Variants in TMEM150A observed in about 807,000 individuals in gnomAD.
The protein encoded by TMEM150A is transmembrane protein 150A.
TMEM150A carries 18 observed loss-of-function variants against 29.8 expected under a neutral mutation model. The observed-to-expected ratio is 0.60, with a 90% confidence interval of 0.42 to 0.90. The LOEUF is 0.90. Among genes scored for constraint, TMEM150A ranks in the 40% least tolerant of loss-of-function variants. The pLI, the probability that TMEM150A is intolerant of heterozygous loss-of-function variation, is 0.00. For missense variants in TMEM150A, 251 were observed against 349.7 expected, an observed-to-expected ratio of 0.72 and a Z score of 2.25; for synonymous variants, 127 against 143.6, an observed-to-expected ratio of 0.88 and a Z score of 0.83.
rs1489529492 is a variant in TMEM150A, at chr2:85,599,413, G to A, written c.575-96C>T. 1 of 1,573,224 alleles carries A rather than the reference G, an allele frequency of 6.4e-7. No homozygotes were observed. The stretch of plus-strand genomic sequence containing the variant: ...GCCTCACCTCTCCAAAGGGAGAGGT[G>A]TTAGTCCTCTCCCCCACATGGCAGT... On this transcript the variant is annotated intron_variant, in intron 7 of 7. Transcript: ENST00000334462. The surrounding 1 kb of genome is among the most constrained non-coding windows in gnomAD (Gnocchi z 6.0).
rs1558830543 is a variant in TMEM150A at position 85,599,954 on chromosome 2, G to A, written c.333C>T (p.Asn111=). Residue 111 remains asparagine (N), a synonymous_variant, in exon 6 of 8, where the codon AAC becomes AAT. Transcript: ENST00000334462. The surrounding 1 kb of genome is among the most constrained non-coding windows in gnomAD (Gnocchi z 6.0). ...TGCAGCCTGTGATGAGTGCCGTGGTGTTAACCCAAGAGTGCCGACTCTGCT... is the reference window on the plus strand; with the variant it reads ...TGCAGCCTGTGATGAGTGCCGTGGTATTAACCCAAGAGTGCCGACTCTGCT... ...LLEQSRHSWV[N]TTALITGCTN... 6.2e-7 allele frequency: 1 copy of A among 1,613,458 alleles called. No homozygotes were observed. The highest frequency in any genetic ancestry group is 8.5e-7 in the Non-Finnish European group (1 of 1,180,028).
In TMEM150A at chr2:85,601,240, C is replaced by T. The variant is rs1046368970; in HGVS notation, c.114-133G>A. 32 of 1,192,580 alleles carry T rather than the reference C, an allele frequency of 2.7e-5. No homozygotes were observed. Among genetic ancestry groups the T allele is most frequent in the Admixed American group, 1.1e-4 (6 of 52,534 alleles). The allele number at this position is 1,192,580 out of a possible 1,614,324, so 73.9% of individuals were successfully genotyped here. On this transcript the variant is annotated intron_variant, in intron 3 of 7. Coordinates refer to ENST00000334462, the MANE Select transcript of TMEM150A (RefSeq NM_001031738.3). This position sits in a 1 kb window ranked among gnomAD's most constrained non-coding sequence, Gnocchi z 4.0. ...ACAGAAGATCCCACTCCCCAGTGCC[C>T]GCCTGAAGCAGTAACCAAAGGGGCA...
chr2:85,601,772 G>A lies in TMEM150A; in HGVS notation c.65+112C>T. On this transcript the variant is annotated intron_variant, in intron 2 of 7. Coordinates refer to ENST00000334462, the MANE Select transcript of TMEM150A (RefSeq NM_001031738.3). This position sits in a 1 kb window ranked among gnomAD's most constrained non-coding sequence, Gnocchi z 4.0. ...GCTGTGTGCCCAGGCACCAAGTCAG[G>A]CTTTTGAGACACCCAGAGTGACCCT... 7.7e-7 allele frequency: 1 copy of A among 1,297,982 alleles called. No homozygotes were observed. Among genetic ancestry groups the A allele is most frequent in the Non-Finnish European group, 1.1e-6 (1 of 913,428 alleles). 80.4% of individuals were successfully genotyped at this position (1,297,982 alleles called of 1,614,324 possible).
Position 85,602,225 on chromosome 2 carries a change from C to A in TMEM150A, c.-116-161G>T. 1 of 377,192 alleles carries A rather than the reference C, an allele frequency of 2.7e-6. No homozygotes were observed. The highest frequency in any genetic ancestry group is 5.0e-6 in the Non-Finnish European group (1 of 200,392). The allele number at this position is 377,192 out of a possible 1,614,324, so 23.4% of individuals were successfully genotyped here. A position where few individuals can be genotyped will look rare whatever the true frequency, so the allele number is the denominator to read the frequency against. ...GAACACCCTCTGGCACTGGGGGCCT[C>A]CGCGGTCAACCCAAATGCCACCGGC... is the stretch of plus-strand genomic sequence containing the variant. On this transcript the variant is annotated intron_variant, in intron 1 of 7. Coordinates refer to ENST00000334462, the MANE Select transcript of TMEM150A (RefSeq NM_001031738.3). This position sits in a 1 kb window ranked among gnomAD's most constrained non-coding sequence, Gnocchi z 5.6.
In TMEM150A at chr2:85,599,004, G is replaced by A. The variant is rs1672772614; in HGVS notation, c.*72C>T. On this transcript the variant is annotated 3_prime_UTR_variant, in exon 8 of 8. Coordinates refer to ENST00000334462, the MANE Select transcript of TMEM150A (RefSeq NM_001031738.3). This position sits in a 1 kb window ranked among gnomAD's most constrained non-coding sequence, Gnocchi z 6.0. ...AGAATACTTTCTCAAAATTGTTTTT[G>A]GTACGAAATAAATGGAAAGAAGATA... The A allele has an allele frequency of 2.6e-6, 4 of 1,564,316 alleles. No individual in the cohort carries two copies. The South Asian group carries it at 4.6e-5, about 18-fold the overall frequency.
rs1309860490 is a variant in TMEM150A, at chr2:85,602,269, G to A, written c.-116-205C>T. ...CACCGGCGTGCTGAGAGACGCAGGC[G>A]GACCGTAACATCTGGAAGGGAGTTA... On this transcript the variant is annotated intron_variant, in intron 1 of 7. Coordinates refer to ENST00000334462, the MANE Select transcript of TMEM150A (RefSeq NM_001031738.3). The surrounding 1 kb of genome is among the most constrained non-coding windows in gnomAD (Gnocchi z 5.6). 3.4e-6 allele frequency: 1 copy of A among 290,848 alleles called. No homozygotes were observed. The highest frequency in any genetic ancestry group is 6.7e-6 in the Non-Finnish European group (1 of 148,814). The allele number at this position is 290,848 out of a possible 1,614,324, so 18.0% of individuals were successfully genotyped here. A position where few individuals can be genotyped will look rare whatever the true frequency, so the allele number is the denominator to read the frequency against.
Position 85,598,775 on chromosome 2 carries a change from T to C in TMEM150A, c.*301A>G. 1 of 358,066 alleles carries C rather than the reference T, an allele frequency of 2.8e-6. No individual in the cohort carries two copies. The allele number at this position is 358,066 out of a possible 1,614,324, so 22.2% of individuals were successfully genotyped here. On this transcript the variant is annotated 3_prime_UTR_variant, in exon 8 of 8. Coordinates refer to ENST00000334462, the MANE Select transcript of TMEM150A (RefSeq NM_001031738.3). ...CAATTCCTGCAGCAGGAAACCCCAG[T>C]GGTCTGGCTTTGGCACTGGGAGTAG...
chr2:85,600,060 G>C (rs1170586663), intron 5 of TMEM150A, 42 bp from the exon 6 acceptor site: 8 of 1,603,908 alleles, frequency 5.0e-6, no homozygotes, highest in Non-Finnish European at 6.8e-6. Context: ...TCCAGCCCTG[G>C]CCCTGCCCAG....
rs767850417 is a variant in TMEM150A, at chr2:85,599,296, T to C, written c.596A>G (p.Glu199Gly). 1 of 1,613,934 alleles carries C rather than the reference T, an allele frequency of 6.2e-7. No individual in the cohort carries two copies. The highest frequency in any genetic ancestry group is 8.5e-7 in the Non-Finnish European group (1 of 1,179,952). Residue 199 changes from glutamate (E) to glycine (G), a missense_variant, in exon 8 of 8, where the codon GAG becomes GGG. Transcript: ENST00000334462. This position sits in a 1 kb window ranked among gnomAD's most constrained non-coding sequence, Gnocchi z 6.0. ...LVLSGVFFVH[E>G]SSQLQHGAAL... is the part of the protein sequence containing the mutation. ...TGCCCCATGTTGCAGCTGAGAACTCTCATGGACAAAGAAGACTCCACCTAA... is the reference window on the plus strand; with the variant it reads ...TGCCCCATGTTGCAGCTGAGAACTCCCATGGACAAAGAAGACTCCACCTAA...
chr2:85,600,323 C>G (rs770778593), intron 5 of TMEM150A, 22 bp downstream of exon 5: 31 of 1,613,278 alleles, frequency 1.9e-5, no homozygotes, highest in African/African-American at 4.0e-5. Context: ...CACGCAGGGT[C>G]AGGGCTAAGG....
intron 4 of TMEM150A, 195 bp from the exon 5 acceptor site, chr2:85,600,607 A>T (rs1342327022): frequency 8.3e-6 from 5 of 605,322 alleles, no homozygotes; most frequent in Non-Finnish European, 1.5e-5. Context: ...CATGTGTGTG[A>T]GAGAGAAGGG....
At chr2:85,600,298 GA>G (rs767570331) in intron 5 of TMEM150A, 46 bp downstream of exon 5, 98 of 1,602,680 alleles carry the variant, frequency 6.1e-5, no homozygotes, top group Non-Finnish European at 7.5e-5. Flanking sequence ...TCTGTGTGGG[GA>G]TCACTGGGCT....
At chr2:85,600,248 C>T (rs557329401) in intron 5 of TMEM150A, 97 bp downstream of exon 5, 2 of 1,473,676 alleles carry the variant, frequency 1.4e-6, no homozygotes, top group Admixed American at 1.8e-5. Context: ...TGCCTTAGCC[C>T]TTGGTGGGGA....
At chr2:85,600,647 C>T (rs954363040) in intron 4 of TMEM150A, 41 of 572,544 alleles carry the variant, frequency 7.2e-5, no homozygotes, top group Non-Finnish European at 1.3e-4. Context: ...GCAACCCTGA[C>T]ACTCTTTGCT....
rs915254240 is a variant in TMEM150A at position 85,602,058 on chromosome 2, T to C, written c.-110A>G. On this transcript the variant is annotated 5_prime_UTR_variant, in exon 2 of 8. Coordinates refer to ENST00000334462, the MANE Select transcript of TMEM150A (RefSeq NM_001031738.3). The surrounding 1 kb of genome is among the most constrained non-coding windows in gnomAD (Gnocchi z 5.6). ...ATGTTTCTGCCACAACCATCAGCTG[T>C]CCTGGCCTGGTGGAGAGAGATCAAA... The C allele has an allele frequency of 2.1e-6, 2 of 974,940 alleles. No homozygotes were observed. The highest frequency in any genetic ancestry group is 3.2e-5 in the African/African-American group (2 of 62,816). 60.4% of individuals were successfully genotyped at this position (974,940 alleles called of 1,614,324 possible). A position where few individuals can be genotyped will look rare whatever the true frequency, so the allele number is the denominator to read the frequency against.
chr2:85,601,980 G>T lies in TMEM150A; in HGVS notation c.-32C>A. The T allele has an allele frequency of 6.2e-7, 1 of 1,610,490 alleles. No individual in the cohort carries two copies. ...GGGGAGCCAGGGTGGTGGTGGTGTT[G>T]GGGGGAGGACAAGAGGTAGATGGGG... On this transcript the variant is annotated 5_prime_UTR_variant, in exon 2 of 8. Coordinates refer to ENST00000334462, the MANE Select transcript of TMEM150A (RefSeq NM_001031738.3). This position sits in a 1 kb window ranked among gnomAD's most constrained non-coding sequence, Gnocchi z 4.0.
Position 85,599,268 on chromosome 2 carries a change from G to T in TMEM150A, c.624C>A (p.Ala208=), listed in dbSNP as rs202124917. The T allele has an allele frequency of 6.2e-7, 1 of 1,614,018 alleles. No homozygotes were observed. Among genetic ancestry groups the T allele is most frequent in the Non-Finnish European group, 8.5e-7 (1 of 1,180,002 alleles). ...CGATGACACACACCCACTCACACAG[G>T]GCTGCCCCATGTTGCAGCTGAGAAC... ...HESSQLQHGA[A]LCEWVCVIDI... The change falls in exon 8 of 8, where the codon GCC becomes GCA. Residue 208 remains alanine (A), a synonymous_variant. Transcript: ENST00000334462. The surrounding 1 kb of genome is among the most constrained non-coding windows in gnomAD (Gnocchi z 6.0).
rs1051159431 is a variant in TMEM150A at position 85,602,112 on chromosome 2, G to T, written c.-116-48C>A. On this transcript the variant is annotated intron_variant, in intron 1 of 7. Coordinates refer to ENST00000334462, the MANE Select transcript of TMEM150A (RefSeq NM_001031738.3). The surrounding 1 kb of genome is among the most constrained non-coding windows in gnomAD (Gnocchi z 5.6). ...CAGGAGTGGGTAACTGGCCGGGAAG[G>T]GGGAGGGGAAGGGGGTCAACACCTT... The T allele has an allele frequency of 9.3e-6, 6 of 647,440 alleles. No homozygotes were observed. The highest frequency in any genetic ancestry group is 1.7e-5 in the South Asian group (1 of 57,784). 40.1% of individuals were successfully genotyped at this position (647,440 alleles called of 1,614,324 possible). A position where few individuals can be genotyped will look rare whatever the true frequency, so the allele number is the denominator to read the frequency against.
rs1310278481 is a variant in TMEM150A at position 85,602,063 on chromosome 2, GC to G, written c.-116del. The G allele has an allele frequency of 1.1e-6, 1 of 931,202 alleles. No individual in the cohort carries two copies. Among genetic ancestry groups the G allele is most frequent in the Admixed American group, 1.8e-5 (1 of 56,466 alleles). 57.7% of individuals were successfully genotyped at this position (931,202 alleles called of 1,614,324 possible). A position where few individuals can be genotyped will look rare whatever the true frequency, so the allele number is the denominator to read the frequency against. ...TCTGCCACAACCATCAGCTGTCCTG[GC>G]CTGGTGGAGAGAGATCAAAGTCCAG... On this transcript the variant is annotated splice_region_variant and 5_prime_UTR_variant, in exon 2 of 8. Transcript: ENST00000334462. The surrounding 1 kb of genome is among the most constrained non-coding windows in gnomAD (Gnocchi z 5.6).
Sources: gnomAD v4.1 joint callset for allele counts on GRCh38, gnomAD v4.1.1 for gene constraint, Gnocchi (gnomAD v3.1) non-coding constraint, MANE v1.5 for transcripts, NCBI Gene and HGNC (gene_info 2026-07-23, HGNC 2026-07-21) for gene names.